Variants in FBXO3 observed in about 807,000 individuals in gnomAD.
FBXO3 encodes F-box only protein 3.
A neutral mutation model predicts 64.8 loss-of-function variants in FBXO3; 17 were observed. The observed-to-expected ratio is 0.26, with a 90% CI of 0.18 to 0.39. The LOEUF (loss-of-function observed/expected upper bound fraction) is 0.39, where lower values mean the gene tolerates loss of function less well. FBXO3 is among the 10% of genes least tolerant of loss of function. FBXO3 has a pLI of 1.00. For missense variants in FBXO3, 420 were observed against 589.9 expected, an observed-to-expected ratio of 0.71 and a Z score of 2.98; for synonymous variants, 182 against 201.6, an observed-to-expected ratio of 0.90 and a Z score of 0.82.
chr11:33,763,879 C>T (rs1300831721), intron 3 of FBXO3, among the ~76,000 whole-genome samples: 1 of 152,142 alleles, frequency 6.6e-6, no homozygotes, highest in African/African-American at 2.4e-5. Context: ...AAAACCACCA[C>T]TATACACCTG....
chr11:33,754,588 GC>G, intron 5 of FBXO3, 88 bp from the exon 6 acceptor site: 1 of 1,103,386 alleles, frequency 9.1e-7, no homozygotes, highest in Non-Finnish European at 1.3e-6. Context: ...TGGAGACGAG[GC>G]AAAACAGATA....
At chr11:33,768,230 T>G (rs1371527900) in intron 3 of FBXO3, among the ~76,000 whole-genome samples, 1 of 152,200 alleles carries the variant, frequency 6.6e-6, no homozygotes, top group Non-Finnish European at 1.5e-5. Context: ...GATCATTAAT[T>G]AAATCAAATT....
At chr11:33,749,684 G>A (rs1854907098) in intron 8 of FBXO3, among the ~76,000 whole-genome samples, 1 of 152,140 alleles carries the variant, frequency 6.6e-6, no homozygotes, top group Admixed American at 6.6e-5. Context: ...CTTTGACTCT[G>A]TTTCCCAATG....
intron 2 of FBXO3, 62 bp from the exon 3 acceptor site, chr11:33,769,076 A>G: frequency 7.3e-7 from 1 of 1,370,230 alleles, no homozygotes. Flanking sequence ...TTTATTTTAG[A>G]TACCTACAAC....
chr11:33,771,823 G>C (rs893216947), intron 1 of FBXO3: 1 of 152,188 alleles, frequency 6.6e-6, no homozygotes, highest in African/African-American at 2.4e-5. Context: ...TGTGCATTCA[G>C]TTTCCATACC....
At chr11:33,746,818 G>GAAT (rs1854823929) in intron 10 of FBXO3, 3 of 1,412,372 alleles carry the variant, frequency 2.1e-6, no homozygotes, top group Non-Finnish European at 2.8e-6. Context: ...AACACTGTAA[G>GAAT]AAGTTGTTTT....
chr11:33,755,675 A>G, intron 5 of FBXO3, 96 bp downstream of exon 5: 1 of 875,882 alleles, frequency 1.1e-6, no homozygotes, highest in Non-Finnish European at 1.9e-6. Context: ...ATAATATTCT[A>G]TACCCATTCT....
In FBXO3 at chr11:33,750,556, G is replaced by C. The variant is rs200374848; in HGVS notation, c.915C>G (p.Phe305Leu). 46 of 1,613,854 alleles carry C rather than the reference G, an allele frequency of 2.9e-5. No homozygotes were observed. Among genetic ancestry groups the C allele is most frequent in the Non-Finnish European group, 8.5e-7 (1 of 1,179,824 alleles). ...ELSSVHPPHY[F>L]FTYRIRIEMS... Reference sequence around the variant, plus strand: ...ATTCTCACCTGATTCGGTATGTGAAGAAATAGTGGGGTGGATGTACAGAGC... The same window carrying C: ...ATTCTCACCTGATTCGGTATGTGAACAAATAGTGGGGTGGATGTACAGAGC... Residue 305 changes from phenylalanine (F) to leucine (L), a missense_variant, in exon 8 of 11, where the codon TTC (phenylalanine) becomes TTG (leucine). By Grantham distance (22) the Phe-to-Leu change is conservative. This residue lies in a region of FBXO3 where 337 missense variants were observed against 518.4 expected (regional missense o/e 0.65). Transcript: ENST00000265651.
At chr11:33,773,909 G>A (rs1225281271) in intron 1 of FBXO3, 2 of 155,188 alleles carry the variant, frequency 1.3e-5, no homozygotes, top group African/African-American at 4.8e-5. Flanking sequence ...CGCGCCAGGG[G>A]AGTAAGGGGT....
chr11:33,760,908 A>T (rs1397702418), intron 3 of FBXO3, among the ~76,000 whole-genome samples: 1 of 152,196 alleles, frequency 6.6e-6, no homozygotes, highest in African/African-American at 2.4e-5. Context: ...GAAAAGATAA[A>T]TATGAAGGTA....
At chr11:33,746,849 T>C in intron 10 of FBXO3, 1 of 1,416,554 alleles carries the variant, frequency 7.1e-7, no homozygotes, top group Non-Finnish European at 9.2e-7. Flanking sequence ...AAGCTGATTC[T>C]ACTGGTCTAA....
chr11:33,766,988 C>CAAAA (rs67370716), intron 3 of FBXO3, among the ~76,000 whole-genome samples: 2 of 55,170 alleles, frequency 3.6e-5, no homozygotes, highest in Non-Finnish European at 7.4e-5. Context: ...ATTCATGCAC[C>CAAAA]AAAAAAAAAA....
intron 3 of FBXO3, among the ~76,000 whole-genome samples, chr11:33,759,905 T>C (rs1363725030): frequency 6.6e-6 from 1 of 151,854 alleles, no homozygotes; most frequent in Non-Finnish European, 1.5e-5. Context: ...AAAACTAAAA[T>C]AAGAATACAC....
At chr11:33,747,863 G>A (rs1854857011) in intron 9 of FBXO3, among the ~76,000 whole-genome samples, 1 of 148,558 alleles carries the variant, frequency 6.7e-6, no homozygotes, top group Non-Finnish European at 1.5e-5. Flanking sequence ...TGTAGAAAGT[G>A]GGAAGTATCT....
intron 8 of FBXO3, among the ~76,000 whole-genome samples, chr11:33,749,650 C>T (rs11600785): frequency 0.28 from 43,227 of 152,066 alleles, 6,512 homozygotes; most frequent in African/African-American, 0.37. Flanking sequence ...AGGCGTGGGC[C>T]ACCGTGTCCA....
rs144085321 is a variant in FBXO3, at chr11:33,747,572, C to T, written c.1049-252G>A. Among the ~76,000 whole-genome samples the T allele has an allele frequency of 1.5e-3, 231 of 149,878 alleles. 2 individuals are homozygous for T. In the East Asian group the frequency reaches 0.027, roughly 17 times the overall value. On this transcript the variant is annotated intron_variant, in intron 9 of 10. Coordinates refer to ENST00000265651, the MANE Select transcript of FBXO3 (RefSeq NM_012175.4). ...TGTTGCCCACGCTGGAGTGCAGTGG[C>T]GTGATCTCAGCTCACTGCAAACTCC...
At position 33,760,224 on chromosome 11, in the gene FBXO3, C is replaced by T. The variant is rs541722069; in HGVS notation, c.359-1623G>A. On this transcript the variant is annotated intron_variant, in intron 3 of 10. Coordinates refer to ENST00000265651, the MANE Select transcript of FBXO3 (RefSeq NM_012175.4). Reference sequence around the variant, plus strand: ...ATTACAAAGAAAAGTTATCTAGATACATCTTGGAAAACTGCTACAATCAAA... The same window carrying T: ...ATTACAAAGAAAAGTTATCTAGATATATCTTGGAAAACTGCTACAATCAAA... 2.6e-5 allele frequency among the ~76,000 whole-genome samples: 4 copies of T among 152,284 alleles called. No individual in the cohort carries two copies. The South Asian group carries it at 8.3e-4, about 32-fold the overall frequency.
Position 33,774,480 on chromosome 11 carries a change from G to C in FBXO3, c.18C>G (p.Thr6=). MAAME[T]ETAPLTLESL... is the part of the protein sequence containing the mutation. ...ACTCTAGGGTCAGCGGCGCCGTCTC[G>C]GTCTCCATGGCCGCCATCTTGCCTG... Residue 6 remains threonine (T), a synonymous_variant, in exon 1 of 11, where the codon ACC becomes ACG. Transcript: ENST00000265651. 1 of 1,576,136 alleles carries C rather than the reference G, an allele frequency of 6.3e-7. No homozygotes were observed. The highest frequency in any genetic ancestry group is 8.6e-7 in the Non-Finnish European group (1 of 1,162,142).
chr11:33,757,631 G>A (rs2133607816), intron 4 of FBXO3, among the ~76,000 whole-genome samples: 1 of 112,336 alleles, frequency 8.9e-6, no homozygotes, highest in South Asian at 3.3e-4. Context: ...CCACTAGCCT[G>A]GCAACACACC....
Sources: allele counts gnomAD v4.1 joint callset (sites outside exome capture counted in the v4.1 genomes callset), GRCh38; gene constraint gnomAD v4.1.1; regional missense constraint gnomAD v4.1.1; transcripts MANE v1.5; gene names NCBI Gene and HGNC (gene_info 2026-07-23, HGNC 2026-07-21).